The following CERS1 variants were observed in gnomAD, a reference collection of about 807,000 sequenced individuals.
CERS1 encodes ceramide synthase 1.
In CERS1, 16 loss-of-function variants were observed where a neutral mutation model predicts 35.7. The observed-to-expected ratio is 0.45, with a 90% CI of 0.30 to 0.68. CERS1 has a LOEUF of 0.68. Among genes scored for constraint, CERS1 ranks in the 30% least tolerant of loss-of-function variants. The pLI, the probability that CERS1 is intolerant of heterozygous loss-of-function variation, is 0.08. For missense variants in CERS1, 454 were observed against 453.9 expected, an observed-to-expected ratio of 1.00 and a Z score of 0.00; for synonymous variants, 243 against 201.6, an observed-to-expected ratio of 1.21 and a Z score of -1.74.
intron 2 of CERS1, 117 bp from the exon 3 acceptor site, chr19:18,884,384 G>A (rs569406997): frequency 5.9e-5 from 54 of 907,816 alleles, no homozygotes; most frequent in South Asian, 5.6e-4. Context: ...GTAACCATGC[G>A]TGTCTGACTG....
rs1176439271 is a variant in CERS1, at chr19:18,869,296, C to T, written c.*689G>A. 41 of 1,513,980 alleles carry T rather than the reference C, an allele frequency of 2.7e-5. No individual in the cohort carries two copies. 93.8% of individuals were successfully genotyped at this position (1,513,980 alleles called of 1,614,324 possible). On this transcript the variant is annotated 3_prime_UTR_variant, in exon 8 of 8. Transcript: ENST00000623882. ...GCTCCAGGCGGGCCCGGCTCGGGCG[C>T]TCAGCGGGTTCCACAGCCGACAGGT...
chr19:18,879,173 TGAG>T (rs1323589168), intron 5 of CERS1, 65 bp downstream of exon 5: 3 of 1,603,676 alleles, frequency 1.9e-6, no homozygotes, highest in Non-Finnish European at 2.6e-6. Context: ...CGGGACTGCC[TGAG>T]GAGGGGACAG....
At chr19:18,891,118 T>C (rs1478533764) in intron 2 of CERS1, among the ~76,000 whole-genome samples, 1 of 147,978 alleles carries the variant, frequency 6.8e-6, no homozygotes, top group African/African-American at 2.5e-5. Flanking sequence ...AGTGAGACTG[T>C]CTCAAAAAAA....
intron 4 of CERS1, among the ~76,000 whole-genome samples, chr19:18,879,893 C>T (rs539220614): frequency 4.6e-5 from 7 of 151,494 alleles, no homozygotes; most frequent in East Asian, 2.0e-4. Flanking sequence ...AGCCCTACCT[C>T]TTTCTCTGCC....
chr19:18,869,666 C>T (rs531304953), intron 7 of CERS1, among the ~76,000 whole-genome samples: 2 of 141,234 alleles, frequency 1.4e-5, no homozygotes, highest in African/African-American at 5.3e-5. Flanking sequence ...AACCTGGGCC[C>T]CTGGGGAAGC....
At chr19:18,872,351 G>C (rs933986181) in intron 6 of CERS1, among the ~76,000 whole-genome samples, 1 of 151,988 alleles carries the variant, frequency 6.6e-6, no homozygotes, top group Non-Finnish European at 1.5e-5. Flanking sequence ...TTTTTTTCTT[G>C]TTTTGTTTTT....
In CERS1 at chr19:18,870,642, G is replaced by C. The variant is rs899608220; in HGVS notation, c.1011-23C>G. On this transcript the variant is annotated intron_variant, in intron 6 of 7. Coordinates refer to ENST00000623882, the MANE Select transcript of CERS1 (RefSeq NM_021267.5). This position sits in a 1 kb window ranked among gnomAD's most constrained non-coding sequence, Gnocchi z 5.1. ...TTCCTGGGGGTCAGAACCGGCGCAG[G>C]TTAGCCTGGGAGCCCCACGCGGCCG... The C allele has an allele frequency of 3.7e-6, 2 of 542,596 alleles. No homozygotes were observed. Among genetic ancestry groups the C allele is most frequent in the Non-Finnish European group, 6.7e-6 (2 of 300,038 alleles). The allele number at this position is 542,596 out of a possible 1,614,324, so 33.6% of individuals were successfully genotyped here.
chr19:18,878,645 C>T lies in CERS1; in HGVS notation c.1010+285G>A, dbSNP rs1222734640. On this transcript the variant is annotated intron_variant, in intron 6 of 7. Coordinates refer to ENST00000623882, the MANE Select transcript of CERS1 (RefSeq NM_021267.5). This position sits in a 1 kb window ranked among gnomAD's most constrained non-coding sequence, Gnocchi z 4.6. ...GGGCCCTGGCTCGCCACTCCCGCCA[C>T]ACCAGCCACTAGGCCTGGCCCTCAG... 14 of 1,243,056 alleles carry T rather than the reference C, an allele frequency of 1.1e-5. No individual in the cohort carries two copies. Among genetic ancestry groups the T allele is most frequent in the Admixed American group, 3.7e-5 (1 of 27,044 alleles). The allele number at this position is 1,243,056 out of a possible 1,614,324, so 77.0% of individuals were successfully genotyped here. A position where few individuals can be genotyped will look rare whatever the true frequency, so the allele number is the denominator to read the frequency against.
At position 18,896,097 on chromosome 19, in the gene CERS1, G is replaced by C; in HGVS notation, c.-25C>G. ...TACCGCCCGCTCGCCCGCCGTGCCC[G>C]TCGCCTGCGCCCGCCCGCGGTAGCC... On this transcript the variant is annotated 5_prime_UTR_variant, in exon 1 of 8. Coordinates refer to ENST00000623882, the MANE Select transcript of CERS1 (RefSeq NM_021267.5). This position sits in a 1 kb window ranked among gnomAD's most constrained non-coding sequence, Gnocchi z 5.9. The C allele has an allele frequency of 1.1e-6, 1 of 903,692 alleles. No homozygotes were observed. The highest frequency in any genetic ancestry group is 1.3e-6 in the Non-Finnish European group (1 of 758,090). 56.0% of individuals were successfully genotyped at this position (903,692 alleles called of 1,614,324 possible). A position where few individuals can be genotyped will look rare whatever the true frequency, so the allele number is the denominator to read the frequency against.
rs910183434 is a variant in CERS1 at position 18,868,574 on chromosome 19, C to T, written c.*1411G>A. On this transcript the variant is annotated 3_prime_UTR_variant, in exon 8 of 8. Transcript: ENST00000623882. ...AGACCACGCGGCATTTATTGTTGGG[C>T]CCGCGTCCCTGCCCGCCCCGGGTTA... 4 of 1,523,026 alleles carry T rather than the reference C, an allele frequency of 2.6e-6. No homozygotes were observed. The highest frequency in any genetic ancestry group is 2.8e-5 in the African/African-American group (2 of 72,366). The allele number at this position is 1,523,026 out of a possible 1,614,324, so 94.3% of individuals were successfully genotyped here.
chr19:18,883,901 C>T (rs1015014882), intron 3 of CERS1, among the ~76,000 whole-genome samples, 186 bp downstream of exon 3: 5 of 152,208 alleles, frequency 3.3e-5, no homozygotes, highest in African/African-American at 1.2e-4. Flanking sequence ...CCCACATCCC[C>T]TCCTCAGCCT....
rs2055945696 is a variant in CERS1, at chr19:18,870,340, G to C, written c.*237C>G. On this transcript the variant is annotated 3_prime_UTR_variant, in exon 7 of 8. Transcript: ENST00000623882. This position sits in a 1 kb window ranked among gnomAD's most constrained non-coding sequence, Gnocchi z 5.1. Reference sequence around the variant, plus strand: ...CCAGGCGATGACCAGAGAGTGCGCAGGGTCCGCGGCGGCCCGGGACCAGTG... The same window carrying C: ...CCAGGCGATGACCAGAGAGTGCGCACGGTCCGCGGCGGCCCGGGACCAGTG... 1 of 1,543,288 alleles carries C rather than the reference G, an allele frequency of 6.5e-7. No homozygotes were observed. The highest frequency in any genetic ancestry group is 8.7e-7 in the Non-Finnish European group (1 of 1,145,880).
intron 2 of CERS1, among the ~76,000 whole-genome samples, chr19:18,892,830 AGG>A (rs1452071421): frequency 6.6e-6 from 1 of 152,104 alleles, no homozygotes; most frequent in Non-Finnish European, 1.5e-5. Flanking sequence ...TCCTGTCCCC[AGG>A]GATCACCTTT....
chr19:18,892,568 C>T (rs576270619), intron 2 of CERS1, among the ~76,000 whole-genome samples: 1 of 151,982 alleles, frequency 6.6e-6, no homozygotes, highest in Non-Finnish European at 1.5e-5. Flanking sequence ...GAGCCGAGAT[C>T]GCGCCACTGC....
chr19:18,895,915 G>T lies in CERS1; in HGVS notation c.158C>A (p.Ala53Glu). 1 of 1,242,268 alleles carries T rather than the reference G, an allele frequency of 8.0e-7. No homozygotes were observed. The highest frequency in any genetic ancestry group is 1.0e-6 in the Non-Finnish European group (1 of 991,068). 77.0% of individuals were successfully genotyped at this position (1,242,268 alleles called of 1,614,324 possible). A position where few individuals can be genotyped will look rare whatever the true frequency, so the allele number is the denominator to read the frequency against. ...GLARRGLAEH[A>E]HLAPPELLLL... ...CAGCAGCTCGGGCGGCGCCAGGTGC[G>T]CGTGCTCAGCCAGGCCGCGACGCGC... Residue 53 changes from alanine to glutamate, a missense_variant, in exon 1 of 8, where the codon GCG (alanine) becomes GAG (glutamate). Physicochemically the swap from Ala to Glu is moderately radical, Grantham distance 107. Transcript: ENST00000623882. This position sits in a 1 kb window ranked among gnomAD's most constrained non-coding sequence, Gnocchi z 6.4.
intron 3 of CERS1, 129 bp downstream of exon 3, chr19:18,883,958 C>G: frequency 9.8e-7 from 1 of 1,015,582 alleles, no homozygotes; most frequent in Non-Finnish European, 1.4e-6. Context: ...GCACTCTGAC[C>G]TTGGAACCCT....
chr19:18,885,686 ATTT>A (rs920494581), intron 2 of CERS1, among the ~76,000 whole-genome samples: 12 of 141,404 alleles, frequency 8.5e-5, no homozygotes, highest in Non-Finnish European at 1.4e-4. Context: ...TGCCTGGCTA[ATTT>A]TTTTTTTTTT....
At position 18,890,992 on chromosome 19, in the gene CERS1, C is replaced by A. The variant is rs887270529; in HGVS notation, c.409+2424G>T. On this transcript the variant is annotated intron_variant, in intron 2 of 7. Transcript: ENST00000623882. ...TACAAAAATTAGCCGAGGGTGGTGG[C>A]GCGTGCCTATAATTCCAGCTACTTA... 2.0e-5 allele frequency among the ~76,000 whole-genome samples: 3 copies of A among 151,912 alleles called. No homozygotes were observed. In the South Asian group the frequency reaches 6.2e-4, roughly 32 times the overall value.
chr19:18,875,265 G>T (rs1374501120), intron 6 of CERS1, among the ~76,000 whole-genome samples: 1 of 150,998 alleles, frequency 6.6e-6, no homozygotes, highest in Non-Finnish European at 1.5e-5. Context: ...AAAGAAACAG[G>T]CTGGGCGCGG....
Sources: allele counts gnomAD v4.1 joint callset (sites outside exome capture counted in the v4.1 genomes callset), GRCh38; gene constraint gnomAD v4.1.1; non-coding constraint Gnocchi (gnomAD v3.1); transcripts MANE v1.5; gene names NCBI Gene and HGNC (gene_info 2026-07-23, HGNC 2026-07-21).